The following MLLT10 variants were observed in gnomAD, a reference collection of about 807,000 sequenced individuals.
The protein encoded by MLLT10 is MLLT10 histone lysine methyltransferase DOT1L cofactor.
MLLT10 carries 30 observed loss-of-function variants against 129.1 expected under a neutral mutation model. The observed-to-expected ratio is 0.23, with a 90% confidence interval of 0.17 to 0.32. The LOEUF (loss-of-function observed/expected upper bound fraction) is 0.32, where lower values mean the gene tolerates loss of function less well. MLLT10 is among the 10% of genes least tolerant of loss of function. MLLT10 has a pLI of 1.00. For missense variants in MLLT10, 1,119 were observed against 1,268.3 expected (o/e 0.88, Z 1.79); for synonymous variants, 490 against 446.4 (o/e 1.10, Z -1.23).
At chr10:21,717,068 A>G (rs2056619170) in intron 14 of MLLT10, among the ~76,000 whole-genome samples, 1 of 151,740 alleles carries the variant, frequency 6.6e-6, no homozygotes, top group Non-Finnish European at 1.5e-5. Flanking sequence ...ACCAGCCTCA[A>G]CATGGAGAAA....
At chr10:21,644,336 T>C (rs1019832319) in intron 8 of MLLT10, among the ~76,000 whole-genome samples, 3 of 152,182 alleles carry the variant, frequency 2.0e-5, no homozygotes, top group African/African-American at 7.2e-5. Context: ...TGACACTTAT[T>C]CCATTATAAT....
At chr10:21,605,456 AT>A (rs1335177435) in intron 5 of MLLT10, among the ~76,000 whole-genome samples, 3 of 151,904 alleles carry the variant, frequency 2.0e-5, no homozygotes, top group Non-Finnish European at 2.9e-5. Context: ...TATTTTATAT[AT>A]TTTTTTGAGA....
intron 3 of MLLT10, among the ~76,000 whole-genome samples, chr10:21,547,484 C>T (rs552998321): frequency 6.6e-6 from 1 of 151,062 alleles, no homozygotes; most frequent in African/African-American, 2.4e-5. Flanking sequence ...GATCCTCTCA[C>T]CTTAGCCTTC....
chr10:21,665,001 A>G (rs1260944645), intron 9 of MLLT10, among the ~76,000 whole-genome samples: 2 of 137,968 alleles, frequency 1.4e-5, no homozygotes, highest in Non-Finnish European at 3.0e-5. Flanking sequence ...GCTGGAGTGC[A>G]GTAGCATGAT....
intron 9 of MLLT10, among the ~76,000 whole-genome samples, chr10:21,660,038 C>T (rs1381683985): frequency 1.3e-5 from 2 of 151,952 alleles, no homozygotes; most frequent in Non-Finnish European, 1.5e-5. Context: ...TGCAGTGGCT[C>T]ATTGCAGCCT....
chr10:21,674,598 G>C (rs2051876318), intron 11 of MLLT10, among the ~76,000 whole-genome samples: 1 of 152,058 alleles, frequency 6.6e-6, no homozygotes, highest in Non-Finnish European at 1.5e-5. Flanking sequence ...TTTGTATTAT[G>C]AATGTTATTT....
intron 8 of MLLT10, among the ~76,000 whole-genome samples, chr10:21,631,330 A>G (rs1184911345): frequency 2.6e-5 from 4 of 151,298 alleles, no homozygotes; most frequent in East Asian, 1.9e-4. Context: ...AAAAAAAAAA[A>G]AAAAAGAAAA....
chr10:21,542,825 G>T (rs1337574077), intron 3 of MLLT10, among the ~76,000 whole-genome samples: 1 of 152,202 alleles, frequency 6.6e-6, no homozygotes, highest in Non-Finnish European at 1.5e-5. Flanking sequence ...GTTTGAGGTT[G>T]CAATGAGCTA....
At chr10:21,738,300 A>G in intron 21 of MLLT10, 1 of 816,102 alleles carries the variant, frequency 1.2e-6, no homozygotes, top group Non-Finnish European at 1.7e-6. Flanking sequence ...TGACACTAAG[A>G]TGGGATCTTG....
intron 3 of MLLT10, among the ~76,000 whole-genome samples, chr10:21,570,582 GT>G (rs536303981): frequency 1.3e-4 from 19 of 145,530 alleles, no homozygotes; most frequent in East Asian, 4.1e-4. Context: ...TTTTTTAGTG[GT>G]TTTTTTTTTC....
At chr10:21,674,223 G>A (rs1044811734) in intron 11 of MLLT10, among the ~76,000 whole-genome samples, 3 of 151,654 alleles carry the variant, frequency 2.0e-5, no homozygotes, top group Admixed American at 1.3e-4. Context: ...TCCTATTTTT[G>A]TTTCACCTGC....
At chr10:21,675,870 AT>A (rs1278352317) in intron 11 of MLLT10, among the ~76,000 whole-genome samples, 1 of 152,144 alleles carries the variant, frequency 6.6e-6, no homozygotes, top group Non-Finnish European at 1.5e-5. Flanking sequence ...TAAGATATTG[AT>A]TTACATCCCT....
At chr10:21,577,595 C>T (rs1171653191) in intron 3 of MLLT10, among the ~76,000 whole-genome samples, 2 of 151,844 alleles carry the variant, frequency 1.3e-5, no homozygotes, top group Non-Finnish European at 1.5e-5. Flanking sequence ...CCTCAGCCTC[C>T]CGAGTAGCTG....
intron 8 of MLLT10, among the ~76,000 whole-genome samples, chr10:21,631,420 A>G (rs2047003124): frequency 1.3e-5 from 2 of 151,338 alleles, no homozygotes; most frequent in Admixed American, 6.6e-5. Flanking sequence ...ATGTCTGACT[A>G]CGAAGTCCCT....
chr10:21,717,580 TTCTTCC>T (rs879851806), intron 14 of MLLT10, among the ~76,000 whole-genome samples: 2,774 of 116,042 alleles, frequency 0.024, 61 homozygotes, highest in Middle Eastern at 0.075. Context: ...TTCCTCTTCT[TTCTTCC>T]TCTTCCTCTT....
intron 15 of MLLT10, among the ~76,000 whole-genome samples, chr10:21,727,123 C>A (rs1325610504): frequency 1.3e-5 from 2 of 151,994 alleles, no homozygotes; most frequent in Non-Finnish European, 2.9e-5. Context: ...TCTGTCTTTA[C>A]CGTTTAAGGG....
intron 3 of MLLT10, among the ~76,000 whole-genome samples, chr10:21,559,554 G>A (rs1286264814): frequency 2.0e-5 from 3 of 152,078 alleles, no homozygotes; most frequent in East Asian, 1.9e-4. Context: ...GTTTATAACC[G>A]TCAGCAGTAT....
intron 13 of MLLT10, among the ~76,000 whole-genome samples, chr10:21,696,060 A>G (rs1336310794): frequency 4.0e-5 from 6 of 151,234 alleles, no homozygotes; most frequent in Admixed American, 4.0e-4. Context: ...TCCATCCATT[A>G]GAGGCACAAG....
intron 8 of MLLT10, among the ~76,000 whole-genome samples, chr10:21,633,871 G>A (rs1340748934): frequency 2.6e-5 from 4 of 152,264 alleles, no homozygotes; most frequent in Non-Finnish European, 2.9e-5. Flanking sequence ...CAAGCATCTC[G>A]TTGTTCGAGC....
Sources: allele counts gnomAD v4.1 joint callset (sites outside exome capture counted in the v4.1 genomes callset), GRCh38; gene constraint gnomAD v4.1.1; transcripts MANE v1.5; gene names NCBI Gene and HGNC (gene_info 2026-07-23, HGNC 2026-07-21).